Variants in PTPRT observed in about 807,000 individuals in gnomAD.
PTPRT encodes receptor-type tyrosine-protein phosphatase T.
A neutral mutation model predicts 176.8 loss-of-function variants in PTPRT; 56 were observed. The ratio of observed to expected loss-of-function variants is 0.32; its 90% CI spans 0.26 to 0.40. The LOEUF (loss-of-function observed/expected upper bound fraction) is 0.40. PTPRT is among the 10% of genes least tolerant of loss of function. The pLI, the probability that PTPRT is intolerant of heterozygous loss-of-function variation, is 1.00. For synonymous variants in PTPRT, 783 were observed against 739.0 expected (o/e 1.06, Z -0.96); for missense variants, 1,540 against 1,908.2 (o/e 0.81, Z 3.60).
chr20:42,508,389 C>T (rs946702514), intron 7 of PTPRT, among the ~76,000 whole-genome samples: 6 of 152,002 alleles, frequency 3.9e-5, no homozygotes, highest in Admixed American at 3.9e-4. Flanking sequence ...GTCTGAATCC[C>T]AGCTGTATGA....
intron 1 of PTPRT, among the ~76,000 whole-genome samples, chr20:42,987,564 C>T (rs1983669019): frequency 6.6e-6 from 1 of 152,138 alleles, no homozygotes; most frequent in African/African-American, 2.4e-5. Context: ...CACACTCCAG[C>T]CACCCACCCT....
intron 1 of PTPRT, among the ~76,000 whole-genome samples, chr20:43,180,447 G>GATATAT: frequency 7.1e-6 from 1 of 141,332 alleles, no homozygotes; most frequent in African/African-American, 2.5e-5. Flanking sequence ...GGGAGAGAGG[G>GATATAT]ATATATATAT....
rs574470643 is a variant in PTPRT, at chr20:42,398,397, T to C, written c.1561-46112A>G. On this transcript the variant is annotated intron_variant, in intron 9 of 30. Transcript: ENST00000373187. ...ATGTGCAAGGATTTTCATTACAGCA[T>C]TGAGCATAACAGCCAAAAATTATCT... Among the ~76,000 whole-genome samples the C allele has an allele frequency of 4.4e-3, 672 of 152,304 alleles. 1 individual carries two copies. The highest frequency in any genetic ancestry group is 0.01 in the Middle Eastern group (3 of 294).
intron 6 of PTPRT, among the ~76,000 whole-genome samples, chr20:42,680,269 T>A (rs1397789331): frequency 6.6e-6 from 1 of 152,176 alleles, no homozygotes; most frequent in East Asian, 1.9e-4. Flanking sequence ...AAGGGACAAC[T>A]CCAGATTGCC....
At chr20:42,451,596 G>A (rs1184012940) in intron 8 of PTPRT, among the ~76,000 whole-genome samples, 1 of 152,126 alleles carries the variant, frequency 6.6e-6, no homozygotes, top group African/African-American at 2.4e-5. Context: ...GGGAGTCAGT[G>A]TTCAGAGAGG....
At chr20:42,719,539 C>T (rs2076275149) in intron 6 of PTPRT, among the ~76,000 whole-genome samples, 1 of 152,152 alleles carries the variant, frequency 6.6e-6, no homozygotes, top group African/African-American at 2.4e-5. Context: ...GGTCCTTGGG[C>T]AAGTTATTTC....
the PTPRT span, among the ~76,000 whole-genome samples, chr20:42,031,992 A>G: frequency 1.3e-5 from 2 of 152,218 alleles, no homozygotes; most frequent in Non-Finnish European, 2.9e-5. Context: ...GAAAGTCCAA[A>G]TAAGTTAAAT....
At chr20:42,579,980 T>G (rs1158422187) in intron 7 of PTPRT, among the ~76,000 whole-genome samples, 1 of 152,200 alleles carries the variant, frequency 6.6e-6, no homozygotes, top group African/African-American at 2.4e-5. Context: ...TCCTTGCCCA[T>G]GCCTATGTCC....
At chr20:42,210,201 G>A (rs1300688325) in intron 15 of PTPRT, among the ~76,000 whole-genome samples, 1 of 152,100 alleles carries the variant, frequency 6.6e-6, no homozygotes, top group African/African-American at 2.4e-5. Flanking sequence ...ATACTGAATG[G>A]GCAAAAACTG....
intron 11 of PTPRT, among the ~76,000 whole-genome samples, chr20:42,340,090 G>T (rs149960250): frequency 6.6e-6 from 1 of 152,154 alleles, no homozygotes. Flanking sequence ...TGGAAATGCC[G>T]TCCAGTATGT....
intron 7 of PTPRT, among the ~76,000 whole-genome samples, chr20:42,529,706 C>T (rs920593878): frequency 1.3e-5 from 2 of 152,004 alleles, no homozygotes; most frequent in Admixed American, 6.6e-5. Flanking sequence ...AGGCTGGTCT[C>T]GAACTTCTGA....
At chr20:42,484,645 G>A (rs2071438065) in intron 7 of PTPRT, among the ~76,000 whole-genome samples, 1 of 152,166 alleles carries the variant, frequency 6.6e-6, no homozygotes, top group Non-Finnish European at 1.5e-5. Context: ...CCACAATACT[G>A]GTACTACCGG....
chr20:42,119,841 T>C (rs576167425), intron 20 of PTPRT, 94 bp downstream of exon 20: 12 of 1,130,412 alleles, frequency 1.1e-5, no homozygotes, highest in East Asian at 2.6e-5. Flanking sequence ...GTAACAGATA[T>C]AGGAGGAGAG....
intron 20 of PTPRT, among the ~76,000 whole-genome samples, chr20:42,119,414 G>A (rs2146328254): frequency 6.6e-6 from 1 of 152,156 alleles, no homozygotes; most frequent in East Asian, 1.9e-4. Flanking sequence ...GTTCTTATAT[G>A]CGTCATTGTC....
chr20:42,814,996 C>A (rs891156352), intron 2 of PTPRT, among the ~76,000 whole-genome samples: 1 of 151,932 alleles, frequency 6.6e-6, no homozygotes, highest in African/African-American at 2.4e-5. Context: ...TAAGTAAAAG[C>A]AATGGGGGTA....
In PTPRT at chr20:42,079,126, G is replaced by A; in HGVS notation, c.*1753C>T. 1 of 190,954 alleles carries A rather than the reference G, an allele frequency of 5.2e-6. No individual in the cohort carries two copies. Among genetic ancestry groups the A allele is most frequent in the Non-Finnish European group, 1.1e-5 (1 of 91,074 alleles). 11.8% of individuals were successfully genotyped at this position (190,954 alleles called of 1,614,324 possible). A position where few individuals can be genotyped will look rare whatever the true frequency, so the allele number is the denominator to read the frequency against. ...TCAAGGTCGAGAGTTTCCCTGGCTG[G>A]TCCATTCATAGCCTGAAGGAACAGG... On this transcript the variant is annotated 3_prime_UTR_variant, in exon 31 of 31. Transcript: ENST00000373187.
chr20:42,166,474 CACAATT>C (rs1297397047), intron 16 of PTPRT, among the ~76,000 whole-genome samples: 1 of 152,196 alleles, frequency 6.6e-6, no homozygotes, highest in Non-Finnish European at 1.5e-5. Context: ...TGCAGATCTA[CACAATT>C]ACATCTTCAA....
intron 7 of PTPRT, among the ~76,000 whole-genome samples, chr20:42,566,181 G>A (rs1198448827): frequency 2.0e-5 from 3 of 151,994 alleles, no homozygotes; most frequent in African/African-American, 4.8e-5. Flanking sequence ...TGTCACCCAG[G>A]CTGGAGGTCT....
At chr20:42,210,580 A>T (rs572684623) in intron 15 of PTPRT, among the ~76,000 whole-genome samples, 119 of 152,048 alleles carry the variant, frequency 7.8e-4, no homozygotes, top group African/African-American at 2.7e-3. Flanking sequence ...TAGGAATCCA[A>T]CTTACAAGGG....
Sources: allele counts gnomAD v4.1 joint callset (sites outside exome capture counted in the v4.1 genomes callset), GRCh38; gene constraint gnomAD v4.1.1; transcripts MANE v1.5; gene names NCBI Gene and HGNC (gene_info 2026-07-23, HGNC 2026-07-21).